The following OTUD7B variants were observed in gnomAD, a reference collection of about 807,000 sequenced individuals.
The protein encoded by OTUD7B is OTU deubiquitinase 7B.
In OTUD7B, 34 loss-of-function variants were observed where a neutral mutation model predicts 82.2. The ratio of observed to expected loss-of-function variants is 0.41; its 90% CI spans 0.31 to 0.55. The LOEUF is 0.55. OTUD7B is among the 20% of genes least tolerant of loss of function. OTUD7B has a pLI of 0.20. For missense variants in OTUD7B, 944 were observed against 1,062.1 expected, an observed-to-expected ratio of 0.89 and a Z score of 1.55; for synonymous variants, 398 against 402.7, an observed-to-expected ratio of 0.99 and a Z score of 0.14.
At chr1:150,052,657 G>T in the OTUD7B span, among the ~76,000 whole-genome samples, 1 of 151,950 alleles carries the variant, frequency 6.6e-6, no homozygotes, top group South Asian at 2.1e-4. Context: ...CACAGAATTA[G>T]GAAAAACTAT....
intron 1 of OTUD7B, 82 bp from the exon 2 acceptor site, chr1:149,977,658 A>G: frequency 1.6e-6 from 1 of 610,320 alleles, no homozygotes; most frequent in Non-Finnish European, 3.0e-6. Flanking sequence ...TTCCTAACCA[A>G]ATGGGGAAAC....
rs782421949 is a variant in OTUD7B at position 149,971,185 on chromosome 1, T to C, written c.152A>G (p.Asn51Ser). The change falls in exon 3 of 12, where the codon AAC becomes AGC. Residue 51 changes from asparagine to serine, a missense_variant. This residue lies in a region of OTUD7B where 530 missense variants were observed against 625.6 expected (regional missense o/e 0.85). Coordinates refer to ENST00000581312, the MANE Select transcript of OTUD7B (RefSeq NM_020205.4). ...FEQLRQVHAGNLPPSFSEGSG... is the reference protein window; with the variant it reads ...FEQLRQVHAGSLPPSFSEGSG... ...CCCCTCACTAAAGGATGGGGGTAGGTTTCCAGCATGGACTTGACGTAGCTG... is the reference window on the plus strand; with the variant it reads ...CCCCTCACTAAAGGATGGGGGTAGGCTTCCAGCATGGACTTGACGTAGCTG... The C allele has an allele frequency of 2.5e-6, 4 of 1,613,704 alleles. No homozygotes were observed. Among genetic ancestry groups the C allele is most frequent in the Non-Finnish European group, 2.5e-6 (3 of 1,179,724 alleles).
chr1:149,986,357 T>C (rs962615377), intron 1 of OTUD7B, among the ~76,000 whole-genome samples: 4 of 152,216 alleles, frequency 2.6e-5, no homozygotes, highest in Admixed American at 1.3e-4. Flanking sequence ...AAGATTGTTA[T>C]ACGACTTTAT....
At chr1:150,022,243 C>T in the OTUD7B span, among the ~76,000 whole-genome samples, 1 of 151,882 alleles carries the variant, frequency 6.6e-6, no homozygotes, top group South Asian at 2.1e-4. Flanking sequence ...ACTAAAAATA[C>T]AAAGATTAGC....
chr1:150,065,778 G>A, the OTUD7B span, among the ~76,000 whole-genome samples: 75 of 146,792 alleles, frequency 5.1e-4, no homozygotes, highest in African/African-American at 1.9e-3. Context: ...TCTTCAGGAA[G>A]GAAGGATGCT....
chr1:149,988,317 C>T lies in OTUD7B; in HGVS notation c.-66-10741G>A, dbSNP rs587596487. 9.9e-5 allele frequency among the ~76,000 whole-genome samples: 15 copies of T among 152,274 alleles called. No homozygotes were observed. The South Asian group carries it at 3.1e-3, about 32-fold the overall frequency. On this transcript the variant is annotated intron_variant, in intron 1 of 11. Coordinates refer to ENST00000581312, the MANE Select transcript of OTUD7B (RefSeq NM_020205.4). The stretch of plus-strand genomic sequence containing the variant: ...CTCAGGAACTAGTCCCTGGTGGCTT[C>T]ATCACTACCACTAGTATGTGTGTGT...
intron 3 of OTUD7B, among the ~76,000 whole-genome samples, chr1:149,968,869 C>A (rs1649703510): frequency 3.3e-5 from 5 of 149,722 alleles, no homozygotes; most frequent in Admixed American, 3.3e-4. Flanking sequence ...CGCCACCACA[C>A]CCAGCTAATT....
At chr1:149,980,563 A>G (rs925226025) in intron 1 of OTUD7B, among the ~76,000 whole-genome samples, 2 of 151,512 alleles carry the variant, frequency 1.3e-5, no homozygotes, top group Non-Finnish European at 2.9e-5. Flanking sequence ...TCTACTAAAA[A>G]TACAAAAATT....
the OTUD7B span, among the ~76,000 whole-genome samples, chr1:150,048,115 C>T: frequency 6.6e-6 from 1 of 151,934 alleles, no homozygotes; most frequent in African/African-American, 2.4e-5. Flanking sequence ...CTAAATATCC[C>T]ACAGAAGAAA....
Position 149,971,261 on chromosome 1 carries a change from G to A in OTUD7B, c.86-10C>T. The A allele has an allele frequency of 6.3e-7, 1 of 1,595,208 alleles. No individual in the cohort carries two copies. Among genetic ancestry groups the A allele is most frequent in the Non-Finnish European group, 8.6e-7 (1 of 1,165,576 alleles). On this transcript the variant is annotated splice_polypyrimidine_tract_variant and intron_variant, in intron 2 of 11. Transcript: ENST00000581312. Reference sequence around the variant, plus strand: ...ACATCCCAATTCTTTCCTGTCAGGAGACAAAGCAAAAAGCAAACTGTGCAA... The same window carrying A: ...ACATCCCAATTCTTTCCTGTCAGGAAACAAAGCAAAAAGCAAACTGTGCAA...
the OTUD7B span, among the ~76,000 whole-genome samples, chr1:150,059,526 C>T: frequency 2.0e-5 from 3 of 151,956 alleles, no homozygotes; most frequent in South Asian, 6.2e-4. Context: ...TGCGCCATCA[C>T]ACCCGGCTAA....
the OTUD7B span, among the ~76,000 whole-genome samples, chr1:150,065,500 GATTT>G: frequency 6.6e-6 from 1 of 152,152 alleles, no homozygotes; most frequent in African/African-American, 2.4e-5. Context: ...AGGATGTCAT[GATTT>G]ATTTTTTAAA....
the OTUD7B span, among the ~76,000 whole-genome samples, chr1:150,025,853 A>C: frequency 1.3e-5 from 2 of 152,152 alleles, no homozygotes; most frequent in Non-Finnish European, 2.9e-5. Context: ...TGAATTACAC[A>C]ACTGAAAAAA....
chr1:150,025,219 C>T, the OTUD7B span, among the ~76,000 whole-genome samples: 1 of 151,954 alleles, frequency 6.6e-6, no homozygotes, highest in Non-Finnish European at 1.5e-5. Context: ...GTCACGCGTT[C>T]GAGACCAGCC....
At chr1:150,066,900 C>A in the OTUD7B span, 1 of 152,256 alleles carries the variant, frequency 6.6e-6, no homozygotes, top group African/African-American at 2.4e-5. The surrounding 1 kb of genome is among the most constrained non-coding windows in gnomAD (Gnocchi z 4.6). Flanking sequence ...CAAATCCCCA[C>A]GCTAGTTTTA....
At chr1:150,060,626 G>A in the OTUD7B span, among the ~76,000 whole-genome samples, 9 of 152,136 alleles carry the variant, frequency 5.9e-5, no homozygotes, top group East Asian at 1.9e-4. Context: ...CTGAAGGAAC[G>A]AAGGTTACAG....
chr1:149,954,882 G>C (rs1648544070), intron 7 of OTUD7B, among the ~76,000 whole-genome samples: 1 of 152,054 alleles, frequency 6.6e-6, no homozygotes, highest in Non-Finnish European at 1.5e-5. Context: ...TGGGATCGGT[G>C]GTGATATGCC....
At chr1:150,020,815 G>A in the OTUD7B span, among the ~76,000 whole-genome samples, 1 of 152,120 alleles carries the variant, frequency 6.6e-6, no homozygotes, top group African/African-American at 2.4e-5. Context: ...ATAATTATCT[G>A]TGTCTGAAAT....
intron 1 of OTUD7B, among the ~76,000 whole-genome samples, chr1:149,989,894 A>C (rs1345622554): frequency 1.3e-5 from 2 of 152,166 alleles, no homozygotes; most frequent in African/African-American, 4.8e-5. Flanking sequence ...CATCTTTGCT[A>C]GCCATACTTA....
Sources: allele counts gnomAD v4.1 joint callset (sites outside exome capture counted in the v4.1 genomes callset), GRCh38; gene constraint gnomAD v4.1.1; regional missense constraint gnomAD v4.1.1; non-coding constraint Gnocchi (gnomAD v3.1); transcripts MANE v1.5; gene names NCBI Gene and HGNC (gene_info 2026-07-23, HGNC 2026-07-21).